The following ZSWIM6 variants were observed in gnomAD, a reference collection of about 807,000 sequenced individuals.
ZSWIM6 encodes zinc finger SWIM domain-containing protein 6.
Under a neutral mutation model 113.2 loss-of-function variants are expected in ZSWIM6, and 9 were observed. The observed-to-expected ratio is 0.08, with a 90% confidence interval of 0.05 to 0.14. The LOEUF (loss-of-function observed/expected upper bound fraction) is 0.14. Ranked by LOEUF, ZSWIM6 falls within the 10% of genes least tolerant of loss-of-function variation. The pLI is 1.00. For missense variants in ZSWIM6, 1,162 were observed against 1,552.2 expected (o/e 0.75, Z 4.22); for synonymous variants, 611 against 606.5 (o/e 1.01, Z -0.11).
intron 1 of ZSWIM6, among the ~76,000 whole-genome samples, chr5:61,370,706 A>G (rs904593508): frequency 6.6e-6 from 1 of 152,256 alleles, no homozygotes; most frequent in Non-Finnish European, 1.5e-5. Context: ...ATGGTGGGCC[A>G]AAGGGCATGT....
At chr5:61,342,911 C>A (rs934646558) in intron 1 of ZSWIM6, among the ~76,000 whole-genome samples, 22 of 151,962 alleles carry the variant, frequency 1.4e-4, no homozygotes, top group South Asian at 2.1e-4. Context: ...AAAAAAATGT[C>A]TTTTAGGAAT....
At chr5:61,467,734 G>A (rs1176181600) in intron 1 of ZSWIM6, among the ~76,000 whole-genome samples, 2 of 152,156 alleles carry the variant, frequency 1.3e-5, no homozygotes, top group African/African-American at 4.8e-5. Context: ...CTATTTGTGA[G>A]TTGACAGAAC....
At chr5:61,524,263 T>A (rs1012673120) in intron 5 of ZSWIM6, among the ~76,000 whole-genome samples, 6 of 152,098 alleles carry the variant, frequency 3.9e-5, no homozygotes, top group Non-Finnish European at 2.9e-5. Context: ...TCCTTAAATG[T>A]AGGACTTTGC....
intron 1 of ZSWIM6, among the ~76,000 whole-genome samples, chr5:61,356,954 C>A (rs1187885262): frequency 6.6e-6 from 1 of 150,880 alleles, no homozygotes; most frequent in Non-Finnish European, 1.5e-5. Flanking sequence ...GGAGGAGAAA[C>A]AGACCAACGT....
chr5:61,505,416 G>A (rs1748575299), intron 4 of ZSWIM6, among the ~76,000 whole-genome samples: 1 of 152,014 alleles, frequency 6.6e-6, no homozygotes, highest in Non-Finnish European at 1.5e-5. Context: ...AGGTGGCTCT[G>A]GTGACCTCCT....
At chr5:61,350,918 T>C (rs911393324) in intron 1 of ZSWIM6, among the ~76,000 whole-genome samples, 5 of 152,222 alleles carry the variant, frequency 3.3e-5, no homozygotes, top group Non-Finnish European at 7.3e-5. Context: ...GGAAATAGAT[T>C]GTTACACATC....
chr5:61,520,042 G>A (rs1749070265), intron 4 of ZSWIM6, among the ~76,000 whole-genome samples: 1 of 152,144 alleles, frequency 6.6e-6, no homozygotes, highest in African/African-American at 2.4e-5. Flanking sequence ...GTGTGGCCAG[G>A]TTCCTAACAG....
At chr5:61,453,932 A>G (rs1009413971) in intron 1 of ZSWIM6, among the ~76,000 whole-genome samples, 5 of 152,162 alleles carry the variant, frequency 3.3e-5, no homozygotes, top group Non-Finnish European at 7.4e-5. Context: ...CACTAATTTT[A>G]TCATTCATCA....
At chr5:61,438,342 C>T (rs957744744) in intron 1 of ZSWIM6, among the ~76,000 whole-genome samples, 4 of 152,200 alleles carry the variant, frequency 2.6e-5, no homozygotes, top group African/African-American at 9.7e-5. Flanking sequence ...CTTCTGCTTT[C>T]TTCCCCCACC....
intron 1 of ZSWIM6, among the ~76,000 whole-genome samples, chr5:61,427,346 A>G (rs1169891055): frequency 6.6e-6 from 1 of 152,234 alleles, no homozygotes; most frequent in Admixed American, 6.5e-5. Context: ...TTCACTTTAA[A>G]TAATCTCTGG....
At chr5:61,479,008 T>C (rs1325237728) in intron 2 of ZSWIM6, among the ~76,000 whole-genome samples, 2 of 151,840 alleles carry the variant, frequency 1.3e-5, no homozygotes, top group African/African-American at 4.8e-5. Context: ...CTGTCTCTAG[T>C]AAAAATACAA....
intron 1 of ZSWIM6, among the ~76,000 whole-genome samples, chr5:61,447,324 C>A (rs1746982292): frequency 6.6e-6 from 1 of 152,154 alleles, no homozygotes; most frequent in African/African-American, 2.4e-5. Flanking sequence ...TACTGAAACA[C>A]AATCCAACTG....
At chr5:61,465,966 A>C (rs1420852684) in intron 1 of ZSWIM6, among the ~76,000 whole-genome samples, 2 of 152,212 alleles carry the variant, frequency 1.3e-5, no homozygotes, top group Admixed American at 6.5e-5. Context: ...TAGAGGATTT[A>C]ATTAGCCAGC....
intron 1 of ZSWIM6, among the ~76,000 whole-genome samples, chr5:61,434,657 T>C (rs1746666102): frequency 6.6e-6 from 1 of 152,190 alleles, no homozygotes. Flanking sequence ...TTCCATGGTG[T>C]CTATATACCA....
At position 61,543,525 on chromosome 5, in the gene ZSWIM6, A is replaced by C. The variant is rs1348924521; in HGVS notation, c.2856A>C (p.Ile952=). The change falls in exon 14 of 14, where the codon ATA becomes ATC. Residue 952 remains isoleucine, a synonymous_variant. Coordinates refer to ENST00000252744, the MANE Select transcript of ZSWIM6 (RefSeq NM_020928.2). The surrounding 1 kb of genome is among the most constrained non-coding windows in gnomAD (Gnocchi z 4.3). The part of the protein sequence containing the change: ...TLFTPTEATS[I]VATTVMSNST... ...TTACTCCCACCGAGGCCACAAGTAT[A>C]GTTGCAACTACCGTGATGTCCAACA... 3.2e-6 allele frequency: 5 copies of C among 1,551,408 alleles called. No individual in the cohort carries two copies. In the South Asian group the frequency reaches 6.0e-5, roughly 18 times the overall value.
chr5:61,533,438 A>G (rs906756327), intron 9 of ZSWIM6, among the ~76,000 whole-genome samples: 2 of 152,242 alleles, frequency 1.3e-5, no homozygotes, highest in African/African-American at 4.8e-5. Flanking sequence ...TCCTGGCCAC[A>G]ATATTGGATA....
At chr5:61,353,024 C>T (rs559558318) in intron 1 of ZSWIM6, among the ~76,000 whole-genome samples, 3 of 152,026 alleles carry the variant, frequency 2.0e-5, no homozygotes, top group Non-Finnish European at 1.5e-5. Flanking sequence ...TTTTTTTCCC[C>T]GTCTGTTGAT....
intron 1 of ZSWIM6, among the ~76,000 whole-genome samples, chr5:61,340,620 G>C (rs919738117): frequency 1.3e-5 from 2 of 152,192 alleles, no homozygotes; most frequent in African/African-American, 4.8e-5. Context: ...TTCCTGGTAA[G>C]AAAACTGAGG....
intron 1 of ZSWIM6, among the ~76,000 whole-genome samples, chr5:61,352,298 C>T (rs1272371610): frequency 6.6e-6 from 1 of 152,200 alleles, no homozygotes; most frequent in Non-Finnish European, 1.5e-5. Context: ...ATTGTCCTCT[C>T]CCATGAGATT....
Sources: gnomAD v4.1 joint callset for allele counts (sites outside exome capture counted in the v4.1 genomes callset) on GRCh38, gnomAD v4.1.1 for gene constraint, Gnocchi (gnomAD v3.1) non-coding constraint, MANE v1.5 for transcripts, NCBI Gene and HGNC (gene_info 2026-07-23, HGNC 2026-07-21) for gene names.